The following COPG1 variants were observed in gnomAD, a reference collection of about 807,000 sequenced individuals.
COPG1 encodes coatomer subunit gamma-1.
A neutral mutation model predicts 102.8 loss-of-function variants in COPG1; 29 were observed. That is an observed-to-expected ratio of 0.28 (90% CI 0.21 to 0.38). COPG1 has a LOEUF of 0.38. Among genes scored for constraint, COPG1 ranks in the 10% least tolerant of loss-of-function variants. COPG1 has a pLI of 1.00. For missense variants in COPG1, 875 were observed against 1,132.7 expected (o/e 0.77, Z 3.27); for synonymous variants, 406 against 421.6 (o/e 0.96, Z 0.45).
chr3:129,275,266 A>G lies in COPG1; in HGVS notation c.2468A>G (p.Lys823Arg). 6.2e-7 allele frequency: 1 copy of G among 1,614,224 alleles called. No individual in the cohort carries two copies. The highest frequency in any genetic ancestry group is 8.5e-7 in the Non-Finnish European group (1 of 1,180,028). Residue 823 changes from lysine (K) to arginine (R), a missense_variant, in exon 23 of 24, where the codon AAG becomes AGG. Coordinates refer to ENST00000314797, the MANE Select transcript of COPG1 (RefSeq NM_016128.4). This position sits in a 1 kb window ranked among gnomAD's most constrained non-coding sequence, Gnocchi z 5.0. ...CERSDKVPDN[K>R]NTHTLLLAGV... ...AGGTCAGACAAAGTGCCGGATAACA[A>G]GAACACCCACACGTTGCTCCTGGCT...
At chr3:129,254,599 T>G (rs1576960643) in intron 5 of COPG1, 69 bp from the exon 6 acceptor site, 1 of 1,122,214 alleles carries the variant, frequency 8.9e-7, no homozygotes, top group Admixed American at 1.8e-5. Flanking sequence ...GCAAGGGTGG[T>G]GTTGGGAGCT....
chr3:129,270,899 T>C (rs141017542), intron 18 of COPG1, among the ~76,000 whole-genome samples: 2 of 152,272 alleles, frequency 1.3e-5, no homozygotes, highest in African/African-American at 2.4e-5. Flanking sequence ...TGAGGAAACA[T>C]GTTAGAAATG....
intron 15 of COPG1, among the ~76,000 whole-genome samples, chr3:129,267,537 T>C (rs959102565): frequency 7.2e-5 from 11 of 152,064 alleles, no homozygotes; most frequent in East Asian, 1.9e-4. Flanking sequence ...AGGAGAATGG[T>C]GTGAACCTGG....
At chr3:129,263,769 C>T in intron 12 of COPG1, 135 bp from the exon 13 acceptor site, 1 of 721,830 alleles carries the variant, frequency 1.4e-6, no homozygotes, top group Admixed American at 2.1e-5. Context: ...GAGTTGAGTT[C>T]CTCTGGTCTC....
intron 2 of COPG1, among the ~76,000 whole-genome samples, chr3:129,251,100 T>A (rs908910149): frequency 2.0e-5 from 3 of 151,182 alleles, no homozygotes; most frequent in Admixed American, 6.6e-5. Context: ...ATTTTTTGTA[T>A]TTTTAGTAGA....
chr3:129,260,903 G>A, intron 12 of COPG1, 96 bp downstream of exon 12: 1 of 1,329,988 alleles, frequency 7.5e-7, no homozygotes, highest in Non-Finnish European at 1.0e-6. Context: ...CTGACCTGAG[G>A]GGCTGGTCAG....
intron 13 of COPG1, among the ~76,000 whole-genome samples, chr3:129,264,654 G>GT (rs575041234): frequency 1.9e-4 from 29 of 151,878 alleles, no homozygotes; most frequent in Admixed American, 5.9e-4. Context: ...GATTGTGTTT[G>GT]TTTTTTTTAA....
chr3:129,277,575 TC>T lies in COPG1; in HGVS notation c.*154del. 1 of 569,490 alleles carries T rather than the reference TC, an allele frequency of 1.8e-6. No individual in the cohort carries two copies. The highest frequency in any genetic ancestry group is 2.8e-6 in the Non-Finnish European group (1 of 351,174). 35.3% of individuals were successfully genotyped at this position (569,490 alleles called of 1,614,324 possible). Reference sequence around the variant, plus strand: ...GATTTTTTTTTATTCTGCTCCCACCTCCCACCCGGGACTACTTGCTGGTGAC... The same window carrying T: ...GATTTTTTTTTATTCTGCTCCCACCTCCACCCGGGACTACTTGCTGGTGAC... On this transcript the variant is annotated 3_prime_UTR_variant, in exon 24 of 24. Coordinates refer to ENST00000314797, the MANE Select transcript of COPG1 (RefSeq NM_016128.4).
In COPG1 at chr3:129,267,976, C is replaced by G. The variant is rs185512562; in HGVS notation, c.1584C>G (p.Ala528=). ...MDDDNEVRDR[A]TFYLNVLEQK... ...ATGACAATGAAGTAAGGGACCGAGC[C>G]ACCTTCTACCTAAATGTCCTGGAGC... is the stretch of plus-strand genomic sequence containing the variant. The change falls in exon 16 of 24, where the codon GCC becomes GCG. Residue 528 remains alanine (A), a synonymous_variant. Transcript: ENST00000314797. 4.5e-5 allele frequency: 73 copies of G among 1,614,146 alleles called. No individual in the cohort carries two copies. Among genetic ancestry groups the G allele is most frequent in the Middle Eastern group, 3.3e-4 (2 of 6,062 alleles).
chr3:129,257,988 A>C (rs1576962679), intron 10 of COPG1, 128 bp downstream of exon 10: 3 of 1,196,770 alleles, frequency 2.5e-6, no homozygotes, highest in Non-Finnish European at 1.2e-6. Context: ...CCTAGGAAGC[A>C]CCTGCCCCAG....
At chr3:129,254,154 G>A (rs143910141) in intron 5 of COPG1, among the ~76,000 whole-genome samples, 3 of 151,576 alleles carry the variant, frequency 2.0e-5, no homozygotes, top group Admixed American at 6.6e-5. Flanking sequence ...AAAATTAGCC[G>A]GGTATGGTGG....
At chr3:129,252,830 C>T in intron 4 of COPG1, 46 bp from the exon 5 acceptor site, 1 of 1,598,390 alleles carries the variant, frequency 6.3e-7, no homozygotes, top group Non-Finnish European at 8.6e-7. Context: ...CAACTCTGGC[C>T]CTTGGTGAGC....
At chr3:129,255,270 C>T (rs1484775705) in intron 7 of COPG1, among the ~76,000 whole-genome samples, 193 bp downstream of exon 7, 2 of 151,782 alleles carry the variant, frequency 1.3e-5, no homozygotes, top group Admixed American at 6.6e-5. Flanking sequence ...CCTCTGCCGC[C>T]GGGGTTCAAG....
At chr3:129,254,942 G>A (rs1939775657) in intron 6 of COPG1, 43 bp from the exon 7 acceptor site, 2 of 1,530,192 alleles carry the variant, frequency 1.3e-6, no homozygotes, top group African/African-American at 2.7e-5. Context: ...GAGCTGCCAA[G>A]GACTGACTGG....
intron 15 of COPG1, among the ~76,000 whole-genome samples, chr3:129,267,683 G>A (rs910030354): frequency 2.0e-5 from 3 of 152,136 alleles, no homozygotes; most frequent in Non-Finnish European, 4.4e-5. Flanking sequence ...TTTAAGATGT[G>A]TAGTTTGATG....
At chr3:129,268,423 G>A in intron 16 of COPG1, 72 bp from the exon 17 acceptor site, 1 of 1,549,198 alleles carries the variant, frequency 6.5e-7, no homozygotes, top group Non-Finnish European at 8.8e-7. Context: ...CGGGACCCCA[G>A]GGCCTCCATG....
chr3:129,250,912 CTTTTTTTTTTTTTTT>C (rs10706690), intron 2 of COPG1, 178 bp downstream of exon 2: 7 of 202,498 alleles, frequency 3.5e-5, no homozygotes, highest in African/African-American at 1.5e-4. Context: ...ATGCTTACTT[CTTTTTTTTTTTTTTT>C]TTTTTTTTTT....
At chr3:129,268,795 GCT>G in intron 17 of COPG1, 135 bp from the exon 18 acceptor site, 2 of 1,082,650 alleles carry the variant, frequency 1.8e-6, no homozygotes, top group Non-Finnish European at 2.8e-6. Flanking sequence ...ACAGACGTGG[GCT>G]CTCTCACATG....
chr3:129,254,982 C>A lies in COPG1; in HGVS notation c.400-3C>A. On this transcript the variant is annotated splice_polypyrimidine_tract_variant and splice_region_variant and intron_variant, in intron 6 of 23. Transcript: ENST00000314797. ...CCTTCCACCCTGCTCCTTTTGCCCACAGAGCACCATGCTGCAGGCTATTGA... is the reference window on the plus strand; with the variant it reads ...CCTTCCACCCTGCTCCTTTTGCCCAAAGAGCACCATGCTGCAGGCTATTGA... 6.2e-7 allele frequency: 1 copy of A among 1,613,524 alleles called. No homozygotes were observed.
Sources: gnomAD v4.1 joint callset for allele counts (sites outside exome capture counted in the v4.1 genomes callset) on GRCh38, gnomAD v4.1.1 for gene constraint, Gnocchi (gnomAD v3.1) non-coding constraint, MANE v1.5 for transcripts, NCBI Gene and HGNC (gene_info 2026-07-23, HGNC 2026-07-21) for gene names.